LRCH3: variants seen among roughly 807,000 people sequenced by gnomAD.
LRCH3 encodes the protein leucine rich repeats and calponin homology domain containing 3.
In LRCH3, 68 loss-of-function variants were observed where a neutral mutation model predicts 104.5. The ratio of observed to expected loss-of-function variants is 0.65; its 90% confidence interval spans 0.54 to 0.80. The LOEUF (loss-of-function observed/expected upper bound fraction) is 0.80. Ranked by LOEUF, LRCH3 falls within the 30% of genes least tolerant of loss-of-function variation. The pLI, the probability that LRCH3 is intolerant of heterozygous loss-of-function variation, is 0.00. For missense variants in LRCH3, 951 were observed against 953.9 expected (o/e 1.00, Z 0.04); for synonymous variants, 344 against 361.3 (o/e 0.95, Z 0.54).
chr3:197,849,987 A>G (rs1739345795), intron 12 of LRCH3, among the ~76,000 whole-genome samples: 1 of 152,242 alleles, frequency 6.6e-6, no homozygotes, highest in African/African-American at 2.4e-5. Flanking sequence ...AACAAGTATC[A>G]TCAGAATTGA....
chr3:197,807,430 C>T (rs934334837), intron 1 of LRCH3, among the ~76,000 whole-genome samples: 3 of 151,850 alleles, frequency 2.0e-5, no homozygotes, highest in African/African-American at 7.3e-5. Flanking sequence ...ACCGGGTTAG[C>T]CAGGATAGTC....
intron 1 of LRCH3, among the ~76,000 whole-genome samples, chr3:197,806,753 T>C (rs1051078506): frequency 6.7e-6 from 1 of 150,298 alleles, no homozygotes; most frequent in African/African-American, 2.4e-5. Flanking sequence ...AGTTTCACCA[T>C]GTTGTCCAGG....
intron 20 of LRCH3, chr3:197,876,223 TA>T (rs778697595): frequency 6.6e-6 from 1 of 152,632 alleles, no homozygotes; most frequent in Non-Finnish European, 1.5e-5. Context: ...CTTCTAATGT[TA>T]ACTAACGTCT....
chr3:197,833,392 G>GC (rs1736241148), intron 8 of LRCH3, among the ~76,000 whole-genome samples: 1 of 18,388 alleles, frequency 5.4e-5, no homozygotes, highest in Non-Finnish European at 1.2e-4. Flanking sequence ...AAAAAAAAAA[G>GC]CAGGGCATAG....
chr3:197,828,207 T>C (rs1735460516), intron 5 of LRCH3, among the ~76,000 whole-genome samples: 1 of 152,198 alleles, frequency 6.6e-6, no homozygotes, highest in South Asian at 2.1e-4. Context: ...ATTCCTACTT[T>C]AGACAGTTTG....
intron 1 of LRCH3, among the ~76,000 whole-genome samples, chr3:197,813,300 A>C (rs1733405287): frequency 6.9e-6 from 1 of 144,330 alleles, no homozygotes; most frequent in African/African-American, 2.6e-5. Flanking sequence ...AGTCATTCCC[A>C]AAAAGAGAAA....
At position 197,814,983 on chromosome 3, in the gene LRCH3, A is replaced by G. The variant is rs778362490; in HGVS notation, c.338A>G (p.Tyr113Cys). ...GTTTCTCTGGAAAATCTCAACTTGT[A>G]CCAAAATTGTATTCGTTATATTCCA... The part of the protein sequence containing the change: ...HFVSLENLNL[Y>C]QNCIRYIPEA... The change falls in exon 2 of 21, where the codon TAC becomes TGC. Residue 113 changes from tyrosine to cysteine, a missense_variant. Transcript: ENST00000425562. The G allele has an allele frequency of 1.3e-6, 2 of 1,592,114 alleles. No homozygotes were observed. The highest frequency in any genetic ancestry group is 4.5e-5 in the East Asian group (2 of 44,318).
Position 197,884,929 on chromosome 3 carries a change from A to T in LRCH3, c.*1263A>T, listed in dbSNP as rs1267960144. 1 of 152,264 alleles carries T rather than the reference A, an allele frequency of 6.6e-6. No individual in the cohort carries two copies. The highest frequency in any genetic ancestry group is 2.1e-4 in the South Asian group (1 of 4,836). 9.4% of individuals were successfully genotyped at this position (152,264 alleles called of 1,614,324 possible). On this transcript the variant is annotated 3_prime_UTR_variant, in exon 21 of 21. Coordinates refer to ENST00000425562, the MANE Select transcript of LRCH3 (RefSeq NM_001365715.1). The stretch of plus-strand genomic sequence containing the variant: ...GGCCTGGCCCAGATTTTGCATAGTA[A>T]AACAGTGAAACAGATAGAGTTGTAT...
intron 19 of LRCH3, among the ~76,000 whole-genome samples, chr3:197,871,851 A>G (rs994888349): frequency 4.6e-5 from 7 of 152,338 alleles, no homozygotes; most frequent in African/African-American, 1.7e-4. Flanking sequence ...GAAGCTAAGG[A>G]AAGTTTGGCT....
intron 4 of LRCH3, among the ~76,000 whole-genome samples, chr3:197,821,668 T>C (rs970166752): frequency 1.3e-5 from 2 of 152,236 alleles, no homozygotes; most frequent in Non-Finnish European, 2.9e-5. Context: ...ACTTACAGTG[T>C]ACAATCAATA....
chr3:197,844,344 G>A (rs142505920), intron 10 of LRCH3, among the ~76,000 whole-genome samples: 28 of 152,292 alleles, frequency 1.8e-4, no homozygotes, highest in African/African-American at 6.3e-4. Context: ...GAGTGGGGTG[G>A]TCATGGGGAT....
intron 3 of LRCH3, among the ~76,000 whole-genome samples, chr3:197,818,034 G>T (rs183662927): frequency 6.6e-6 from 1 of 152,254 alleles, no homozygotes; most frequent in Admixed American, 6.5e-5. Flanking sequence ...TGTTAGCCAG[G>T]ATAGTCTTGA....
rs1713877955 is a variant in LRCH3, at chr3:197,882,605, T to C, written c.2209-936T>C. On this transcript the variant is annotated intron_variant, in intron 20 of 20. Coordinates refer to ENST00000425562, the MANE Select transcript of LRCH3 (RefSeq NM_001365715.1). ...TTTTAGTGGCACCAGAATTCTATAT[T>C]CTGTTCTTTGTAAGAGCAATCTCTT... The C allele has an allele frequency of 5.2e-6, 5 of 963,542 alleles. No individual in the cohort carries two copies. The African/African-American group carries it at 7.2e-5, about 14-fold the overall frequency. 59.7% of individuals were successfully genotyped at this position (963,542 alleles called of 1,614,324 possible).
intron 1 of LRCH3, among the ~76,000 whole-genome samples, chr3:197,812,504 G>GTGTTTTTTTTTTTTT (rs1733250059): frequency 4.1e-5 from 2 of 48,956 alleles, no homozygotes; most frequent in Non-Finnish European, 7.0e-5. Flanking sequence ...TCTGCTTTCA[G>GTGTTTTTTTTTTTTT]TTTTTTTTTT....
In LRCH3 at chr3:197,791,323, C is replaced by G; in HGVS notation, c.45C>G (p.Tyr15Ter). 3.1e-6 allele frequency: 5 copies of G among 1,609,644 alleles called. No homozygotes were observed. Among genetic ancestry groups the G allele is most frequent in the Non-Finnish European group, 4.2e-6 (5 of 1,178,934 alleles). The change falls in exon 1 of 21, where the codon TAC becomes TAG. Residue 15 changes from tyrosine (Y) to a stop codon, truncating the protein, a stop_gained. Coordinates refer to ENST00000425562, the MANE Select transcript of LRCH3 (RefSeq NM_001365715.1). LOFTEE classifies it high-confidence loss of function. Reference sequence around the variant, plus strand: ...TCGCTGTGGCAGCGGCTGCCGAGTACTCTGGCACGGTAGCGTCGGGAGGTA... The same window carrying G: ...TCGCTGTGGCAGCGGCTGCCGAGTAGTCTGGCACGGTAGCGTCGGGAGGTA... ...GLVAVAAAAEYSGTVASGGNL... is the reference protein window; with the variant it reads ...GLVAVAAAAE
At chr3:197,859,539 G>A (rs1740644303) in intron 15 of LRCH3, 1 of 151,990 alleles carries the variant, frequency 6.6e-6, no homozygotes. Flanking sequence ...TCCACCTTCT[G>A]GAAAAATTTA....
At position 197,839,369 on chromosome 3, in the gene LRCH3, G is replaced by C. The variant is rs534510800; in HGVS notation, c.1300G>C (p.Asp434His). The change falls in exon 10 of 21, where the codon GAT becomes CAT. Residue 434 changes from aspartate to histidine, a missense_variant. Physicochemically the swap from Asp to His is moderately conservative, Grantham distance 81. Coordinates refer to ENST00000425562, the MANE Select transcript of LRCH3 (RefSeq NM_001365715.1). ...VAIREFQKTE[D>H]MRRYLHQNRV... ...CATTAGGGAGTTTCAAAAAACAGAA[G>C]ATATGAGAAGATATTTACATCAAAA... The C allele has an allele frequency of 1.3e-6, 2 of 1,594,824 alleles. No homozygotes were observed. Among genetic ancestry groups the C allele is most frequent in the East Asian group, 2.2e-5 (1 of 44,512 alleles).
At chr3:197,861,401 A>G (rs1452768788) in intron 15 of LRCH3, among the ~76,000 whole-genome samples, 1 of 152,190 alleles carries the variant, frequency 6.6e-6, no homozygotes, top group East Asian at 1.9e-4. Context: ...GTTGTACTCC[A>G]TGAACACCTT....
intron 10 of LRCH3, among the ~76,000 whole-genome samples, chr3:197,846,915 T>C (rs1295348959): frequency 6.6e-6 from 1 of 151,896 alleles, no homozygotes. Flanking sequence ...TTTGTATTTT[T>C]CTTAAAAATA....
Sources: allele counts gnomAD v4.1 joint callset (sites outside exome capture counted in the v4.1 genomes callset), GRCh38; gene constraint gnomAD v4.1.1; transcripts MANE v1.5; gene names NCBI Gene and HGNC (gene_info 2026-07-23, HGNC 2026-07-21).